Variants in GLIS3 observed in about 807,000 individuals in gnomAD.
GLIS3 encodes the protein zinc finger protein GLIS3.
GLIS3 carries 53 observed loss-of-function variants against 78.6 expected under a neutral mutation model. That is an observed-to-expected ratio of 0.67 (90% confidence interval 0.54 to 0.85). GLIS3 has a LOEUF of 0.85. Ranked by LOEUF, GLIS3 falls within the 40% of genes least tolerant of loss-of-function variation. The pLI is 0.00. For synonymous variants in GLIS3, 684 were observed against 509.9 expected (o/e 1.34, Z -4.60); for missense variants, 1,703 against 1,231.1 (o/e 1.38, Z -5.74).
At chr9:4,075,099 C>CAACA (rs1221457323) in intron 4 of GLIS3, among the ~76,000 whole-genome samples, 1 of 42,954 alleles carries the variant, frequency 2.3e-5, no homozygotes, top group Non-Finnish European at 4.0e-5. Context: ...TGAACAACAA[C>CAACA]ACAACAACAA....
At chr9:3,868,479 A>G (rs1008560270) in intron 8 of GLIS3, among the ~76,000 whole-genome samples, 2 of 152,236 alleles carry the variant, frequency 1.3e-5, no homozygotes, top group Admixed American at 6.5e-5. Flanking sequence ...ATGGTATTAA[A>G]AAGGAAAATA....
At chr9:4,433,950 G>C in the GLIS3 span, among the ~76,000 whole-genome samples, 7 of 152,240 alleles carry the variant, frequency 4.6e-5, no homozygotes, top group East Asian at 1.4e-3. Context: ...CAAAAAATTA[G>C]CTGGGCGTGG....
the GLIS3 span, among the ~76,000 whole-genome samples, chr9:4,452,968 T>C: frequency 7.2e-5 from 11 of 152,032 alleles, no homozygotes; most frequent in South Asian, 6.2e-4. Context: ...AACAGAGAGA[T>C]AGACCAATGG....
the GLIS3 span, among the ~76,000 whole-genome samples, chr9:4,477,507 C>G: frequency 6.6e-6 from 1 of 152,140 alleles, no homozygotes; most frequent in South Asian, 2.1e-4. Flanking sequence ...CTCAACCTCC[C>G]AGGCTCAAGT....
intron 4 of GLIS3, among the ~76,000 whole-genome samples, chr9:3,941,378 A>T (rs915549800): frequency 1.1e-4 from 16 of 151,598 alleles, no homozygotes; most frequent in Admixed American, 2.6e-4. Context: ...TATTTATTTT[A>T]TTTTTTTTAA....
intron 1 of GLIS3, chr9:4,298,250 C>T: frequency 3.1e-6 from 1 of 318,890 alleles, no homozygotes; most frequent in Non-Finnish European, 6.2e-6. Context: ...CACGCCGGCC[C>T]CCCGGTCCCC....
chr9:4,352,353 A>G (rs569918064), upstream of GLIS3, among the ~76,000 whole-genome samples: 4 of 152,388 alleles, frequency 2.6e-5, no homozygotes, highest in East Asian at 5.8e-4. Context: ...CCCTTTGTGT[A>G]GAGTCCCTTG....
At chr9:4,474,174 A>G in the GLIS3 span, among the ~76,000 whole-genome samples, 2 of 152,244 alleles carry the variant, frequency 1.3e-5, no homozygotes, top group Admixed American at 1.3e-4. Context: ...GATTTACAAT[A>G]TCAAATACCA....
chr9:4,470,769 G>C, the GLIS3 span, among the ~76,000 whole-genome samples: 1 of 150,644 alleles, frequency 6.6e-6, no homozygotes, highest in Non-Finnish European at 1.5e-5. Context: ...TAAGGCAGGA[G>C]AAGGAAATAA....
intron 2 of GLIS3, among the ~76,000 whole-genome samples, chr9:4,186,826 G>A (rs1477028419): frequency 6.6e-6 from 1 of 152,130 alleles, no homozygotes; most frequent in Non-Finnish European, 1.5e-5. Flanking sequence ...CATATCCATT[G>A]CCCACTTTTT....
intron 2 of GLIS3, among the ~76,000 whole-genome samples, chr9:4,188,549 T>C (rs1321398312): frequency 1.3e-5 from 2 of 152,006 alleles, no homozygotes. Context: ...TTCTATTGAT[T>C]GGAATAGTTT....
chr9:4,274,171 T>C (rs1826779761), intron 2 of GLIS3, among the ~76,000 whole-genome samples: 1 of 152,192 alleles, frequency 6.6e-6, no homozygotes, highest in Non-Finnish European at 1.5e-5. Context: ...ACAATGGGTC[T>C]TGGCCCCAAA....
chr9:3,916,156 C>G (rs536842680), intron 6 of GLIS3, among the ~76,000 whole-genome samples: 2 of 152,146 alleles, frequency 1.3e-5, no homozygotes, highest in African/African-American at 2.4e-5. Context: ...TAGCAGAAAC[C>G]CAAGAGTCTG....
intron 2 of GLIS3, among the ~76,000 whole-genome samples, chr9:4,168,464 A>G (rs1204872708): frequency 6.6e-6 from 1 of 152,204 alleles, no homozygotes; most frequent in African/African-American, 2.4e-5. Flanking sequence ...TTCCCACAAC[A>G]AAGTCACTAA....
chr9:3,854,013 G>A (rs948159290), intron 9 of GLIS3, among the ~76,000 whole-genome samples: 5 of 152,160 alleles, frequency 3.3e-5, no homozygotes, highest in African/African-American at 7.2e-5. Flanking sequence ...AGATTTCAGC[G>A]ATGTTAAAAT....
the GLIS3 span, among the ~76,000 whole-genome samples, chr9:4,405,707 C>G: frequency 9.4e-3 from 1,427 of 151,726 alleles, 23 homozygotes; most frequent in African/African-American, 0.033. Context: ...AAAATAATTC[C>G]AAACTCATTC....
the GLIS3 span, among the ~76,000 whole-genome samples, chr9:4,390,405 T>C: frequency 6.6e-6 from 1 of 151,938 alleles, no homozygotes; most frequent in Non-Finnish European, 1.5e-5. Flanking sequence ...TTGCTCAGCC[T>C]CCCAAGCTGT....
upstream of GLIS3, among the ~76,000 whole-genome samples, chr9:4,348,563 A>T (rs1234242723): frequency 6.6e-6 from 1 of 152,192 alleles, no homozygotes; most frequent in Non-Finnish European, 1.5e-5. Flanking sequence ...AGGCTGGGAG[A>T]TGTGACCTTT....
intron 2 of GLIS3, among the ~76,000 whole-genome samples, chr9:4,328,190 G>T (rs1191816613): frequency 3.3e-5 from 5 of 152,138 alleles, no homozygotes; most frequent in Non-Finnish European, 7.4e-5. Flanking sequence ...CCCAAGACCC[G>T]AGACTGACTA....
Sources: gnomAD v4.1 joint callset for allele counts (sites outside exome capture counted in the v4.1 genomes callset) on GRCh38, gnomAD v4.1.1 for gene constraint, MANE v1.5 for transcripts, NCBI Gene and HGNC (gene_info 2026-07-23, HGNC 2026-07-21) for gene names.